Variants in SAMD5 observed in about 807,000 individuals in gnomAD.
The protein encoded by SAMD5 is sterile alpha motif domain containing 5.
A neutral mutation model predicts 11.3 loss-of-function variants in SAMD5; 13 were observed. The observed-to-expected ratio is 1.15, with a 90% CI of 0.75 to 1.83. The LOEUF is 1.83. Among genes scored for constraint, SAMD5 ranks in the 40% most tolerant of loss-of-function variants. The probability of loss-of-function intolerance (pLI) is 0.00; values close to 1 mark genes in which losing one functional copy is unlikely to be tolerated. For synonymous variants in SAMD5, 129 were observed against 111.3 expected (o/e 1.16, Z -1.00); for missense variants, 255 against 239.1 (o/e 1.07, Z -0.44).
chr6:147,670,627 T>C (rs1790781939), intron 1 of SAMD5, among the ~76,000 whole-genome samples: 1 of 152,256 alleles, frequency 6.6e-6, no homozygotes, highest in African/African-American at 2.4e-5. Flanking sequence ...GCTTCTTTTC[T>C]TAAACTTCAT....
At chr6:147,658,418 T>C (rs1000124497) in intron 1 of SAMD5, among the ~76,000 whole-genome samples, 1 of 150,876 alleles carries the variant, frequency 6.6e-6, no homozygotes, top group African/African-American at 2.4e-5. Context: ...GGTTTATTTA[T>C]TTATTTATTC....
chr6:147,732,267 C>T (rs1309129848), intron 1 of SAMD5, among the ~76,000 whole-genome samples: 2 of 152,106 alleles, frequency 1.3e-5, no homozygotes, highest in African/African-American at 4.8e-5. Context: ...CCTAATCAAG[C>T]GTCTTGAAAG....
At chr6:147,531,850 A>C (rs1788434790) in intron 1 of SAMD5, among the ~76,000 whole-genome samples, 1 of 152,228 alleles carries the variant, frequency 6.6e-6, no homozygotes. Context: ...ACGACCCATA[A>C]TAGAAATTTG....
intron 1 of SAMD5, among the ~76,000 whole-genome samples, chr6:147,719,527 T>C (rs1791517152): frequency 1.3e-5 from 2 of 152,160 alleles, no homozygotes; most frequent in South Asian, 4.1e-4. Context: ...CCTTGTGACC[T>C]CTTGAGGAAG....
intron 1 of SAMD5, among the ~76,000 whole-genome samples, chr6:147,545,384 G>C (rs1788669814): frequency 6.6e-6 from 1 of 152,172 alleles, no homozygotes; most frequent in Non-Finnish European, 1.5e-5. Context: ...AGAGAGTTCA[G>C]TGAATTTACT....
chr6:147,655,519 T>C (rs1354556119), intron 1 of SAMD5, among the ~76,000 whole-genome samples: 1 of 152,178 alleles, frequency 6.6e-6, no homozygotes, highest in Non-Finnish European at 1.5e-5. Flanking sequence ...GAAAAACAAA[T>C]CTGTACACAG....
the SAMD5 span, among the ~76,000 whole-genome samples, chr6:147,936,213 G>A: frequency 1.3e-5 from 2 of 152,164 alleles, no homozygotes; most frequent in Non-Finnish European, 2.9e-5. Flanking sequence ...TCCCTGGTCT[G>A]ACTATTACCC....
chr6:147,942,364 T>C, the SAMD5 span, among the ~76,000 whole-genome samples: 30 of 152,286 alleles, frequency 2.0e-4, no homozygotes, highest in Non-Finnish European at 3.7e-4. Flanking sequence ...ACAATTGGAC[T>C]CCCTGAAAAG....
At chr6:147,550,456 T>A (rs1788752549) in intron 1 of SAMD5, among the ~76,000 whole-genome samples, 1 of 152,176 alleles carries the variant, frequency 6.6e-6, no homozygotes, top group African/African-American at 2.4e-5. Context: ...TGAACTCATA[T>A]GTTTATCACA....
At chr6:147,937,699 T>C in the SAMD5 span, among the ~76,000 whole-genome samples, 4 of 152,208 alleles carry the variant, frequency 2.6e-5, no homozygotes, top group Non-Finnish European at 5.9e-5. Flanking sequence ...AAATTCTTAA[T>C]AACCAGAGGG....
intron 1 of SAMD5, among the ~76,000 whole-genome samples, chr6:147,583,137 T>G (rs75877183): frequency 0.022 from 3,391 of 152,314 alleles, 112 homozygotes; most frequent in African/African-American, 0.073. Context: ...CACATAGACA[T>G]TTCATTCTGT....
At chr6:147,669,201 G>C (rs1156715261) in intron 1 of SAMD5, among the ~76,000 whole-genome samples, 3 of 152,058 alleles carry the variant, frequency 2.0e-5, no homozygotes, top group African/African-American at 7.2e-5. Context: ...TTCAGAATTG[G>C]AACCAATCCT....
chr6:147,948,333 C>T, the SAMD5 span, among the ~76,000 whole-genome samples: 1 of 151,170 alleles, frequency 6.6e-6, no homozygotes, highest in East Asian at 1.9e-4. Flanking sequence ...TGAATATACC[C>T]AACATCTGAT....
the SAMD5 span, among the ~76,000 whole-genome samples, chr6:147,874,456 A>G: frequency 4.6e-5 from 7 of 151,988 alleles, no homozygotes; most frequent in Non-Finnish European, 1.0e-4. Context: ...CTTTTGTATG[A>G]GGACCGAGAA....
chr6:147,922,698 A>G, the SAMD5 span, among the ~76,000 whole-genome samples: 1 of 152,120 alleles, frequency 6.6e-6, no homozygotes. Context: ...GCTGGGATCT[A>G]TTTTTTCAGT....
chr6:147,531,710 G>C (rs1243884458), intron 1 of SAMD5, among the ~76,000 whole-genome samples: 1 of 152,162 alleles, frequency 6.6e-6, no homozygotes, highest in African/African-American at 2.4e-5. Flanking sequence ...CATTCTGTGA[G>C]GATCAATTGG....
In SAMD5 at chr6:147,567,644, C is replaced by T. The variant is rs967534207; in HGVS notation, c.*3188C>T. The T allele has an allele frequency of 4.4e-5, 43 of 985,106 alleles. No homozygotes were observed. In the African/African-American group the frequency reaches 7.2e-4, roughly 16 times the overall value. 61.0% of individuals were successfully genotyped at this position (985,106 alleles called of 1,614,324 possible). A position where few individuals can be genotyped will look rare whatever the true frequency, so the allele number is the denominator to read the frequency against. The stretch of plus-strand genomic sequence containing the variant: ...GGCATGTAGCAGGTGCTGACTGCCT[C>T]TCTCCCTTCCCTTCTTTACTCTCAG... On this transcript the variant is annotated 3_prime_UTR_variant, in exon 2 of 2. Transcript: ENST00000367474.
At chr6:147,730,215 T>C in intron 1 of SAMD5, 1 of 389,156 alleles carries the variant, frequency 2.6e-6, no homozygotes, top group Non-Finnish European at 5.0e-6. Flanking sequence ...TTGTTGAAAT[T>C]GGAAGACATC....
At chr6:147,678,748 G>A (rs560455922) in intron 1 of SAMD5, among the ~76,000 whole-genome samples, 7 of 152,250 alleles carry the variant, frequency 4.6e-5, no homozygotes, top group Non-Finnish European at 7.4e-5. Flanking sequence ...TTCTCACTGT[G>A]TTACTTTAGT....
Sources: allele counts gnomAD v4.1 joint callset (sites outside exome capture counted in the v4.1 genomes callset), GRCh38; gene constraint gnomAD v4.1.1; transcripts MANE v1.5; gene names NCBI Gene and HGNC (gene_info 2026-07-23, HGNC 2026-07-21).